TENM3: variants seen among roughly 807,000 people sequenced by gnomAD.
TENM3 encodes the protein teneurin transmembrane protein 3, also known as teneurin-3.
TENM3 carries 63 observed loss-of-function variants against 255.1 expected under a neutral mutation model. The observed-to-expected ratio is 0.25, with a 90% CI of 0.20 to 0.30. The LOEUF is 0.30. Among genes scored for constraint, TENM3 ranks in the 10% least tolerant of loss-of-function variants. The pLI, the probability that TENM3 is intolerant of heterozygous loss-of-function variation, is 1.00. For synonymous variants in TENM3, 1,306 were observed against 1,322.3 expected, an observed-to-expected ratio of 0.99 and a Z score of 0.27; for missense variants, 2,929 against 3,461.1, an observed-to-expected ratio of 0.85 and a Z score of 3.86.
At chr4:181,950,390 G>A in the TENM3 span, among the ~76,000 whole-genome samples, 1 of 152,156 alleles carries the variant, frequency 6.6e-6, no homozygotes, top group Non-Finnish European at 1.5e-5. Context: ...AAGCCTGTTT[G>A]GTGGTCTCTT....
intron 1 of TENM3, among the ~76,000 whole-genome samples, chr4:182,211,081 C>T (rs1484529306): frequency 6.6e-6 from 1 of 152,134 alleles, no homozygotes; most frequent in Non-Finnish European, 1.5e-5. Context: ...AAGCCCGTCC[C>T]CAGAGGAGAT....
At chr4:182,060,914 G>A in the TENM3 span, among the ~76,000 whole-genome samples, 2 of 152,150 alleles carry the variant, frequency 1.3e-5, no homozygotes, top group African/African-American at 2.4e-5. Context: ...TGTGGCACTC[G>A]TAATATATGA....
the TENM3 span, among the ~76,000 whole-genome samples, chr4:182,027,538 G>C: frequency 6.7e-6 from 1 of 148,664 alleles, no homozygotes; most frequent in Non-Finnish European, 1.5e-5. Flanking sequence ...TGGGCATCCT[G>C]GTTCCATTCT....
At chr4:182,258,141 A>T (rs954581817) in intron 1 of TENM3, among the ~76,000 whole-genome samples, 3 of 152,188 alleles carry the variant, frequency 2.0e-5, no homozygotes, top group Admixed American at 6.5e-5. Context: ...TGTATATAGC[A>T]TATACTTCCA....
the TENM3 span, among the ~76,000 whole-genome samples, chr4:182,002,318 G>A: frequency 6.6e-6 from 1 of 151,968 alleles, no homozygotes; most frequent in South Asian, 2.1e-4. Context: ...ATAATCACAG[G>A]GGAGAGAGAG....
At chr4:182,054,830 A>C in the TENM3 span, among the ~76,000 whole-genome samples, 1 of 152,186 alleles carries the variant, frequency 6.6e-6, no homozygotes, top group African/African-American at 2.4e-5. Context: ...AAAGAATAAC[A>C]GGAGAATTTT....
intron 3 of TENM3, among the ~76,000 whole-genome samples, chr4:182,480,221 T>C (rs137878737): frequency 0.01 from 1,556 of 152,118 alleles, 21 homozygotes; most frequent in African/African-American, 0.035. Flanking sequence ...GCTTCCTTAG[T>C]GAAATTGGCA....
chr4:182,365,142 C>T (rs1766339423), intron 3 of TENM3, among the ~76,000 whole-genome samples: 2 of 152,150 alleles, frequency 1.3e-5, no homozygotes, highest in South Asian at 4.2e-4. Context: ...AATTTGTATT[C>T]GTTTGATTAG....
chr4:182,359,100 G>A (rs1352902955), intron 3 of TENM3, among the ~76,000 whole-genome samples: 1 of 151,732 alleles, frequency 6.6e-6, no homozygotes, highest in African/African-American at 2.4e-5. Context: ...GCTTTTTGAT[G>A]TGCTGCTGGA....
At chr4:181,470,127 A>AAAAAAAAAAAAACAAAAAACG in the TENM3 span, among the ~76,000 whole-genome samples, 2 of 138,958 alleles carry the variant, frequency 1.4e-5, no homozygotes, top group African/African-American at 5.4e-5. Flanking sequence ...AAAAAAAAAC[A>AAAAAAAAAAAAACAAAAAACG]TTATTCAAAA....
At chr4:182,039,656 T>C in the TENM3 span, among the ~76,000 whole-genome samples, 1 of 151,760 alleles carries the variant, frequency 6.6e-6, no homozygotes, top group Non-Finnish European at 1.5e-5. Context: ...GACACACACA[T>C]GCACGAGATA....
chr4:182,250,925 A>G (rs887882298), intron 1 of TENM3, among the ~76,000 whole-genome samples: 1 of 152,176 alleles, frequency 6.6e-6, no homozygotes, highest in Admixed American at 6.5e-5. Flanking sequence ...TTTCAGATGG[A>G]TAAGAATTTG....
chr4:181,839,342 A>T, the TENM3 span, among the ~76,000 whole-genome samples: 2 of 103,150 alleles, frequency 1.9e-5, no homozygotes, highest in Non-Finnish European at 1.9e-5. Context: ...ATATGTATTG[A>T]GGGTATATAT....
chr4:182,739,418 G>A (rs1263443814), intron 18 of TENM3, among the ~76,000 whole-genome samples: 1 of 152,152 alleles, frequency 6.6e-6, no homozygotes, highest in East Asian at 1.9e-4. Flanking sequence ...AGGACCGTAA[G>A]TTAATCTATT....
At chr4:182,623,014 T>C (rs1750446085) in intron 4 of TENM3, among the ~76,000 whole-genome samples, 1 of 151,446 alleles carries the variant, frequency 6.6e-6, no homozygotes, top group Non-Finnish European at 1.5e-5. Context: ...AGAGTCTCTT[T>C]TTTTTTTTTT....
the TENM3 span, among the ~76,000 whole-genome samples, chr4:181,684,869 C>T: frequency 2.7e-5 from 4 of 150,924 alleles, no homozygotes; most frequent in Non-Finnish European, 5.9e-5. Flanking sequence ...TTCTTCCCCA[C>T]TCAGCCTCCC....
At chr4:182,759,156 T>C (rs1468001758) in intron 22 of TENM3, among the ~76,000 whole-genome samples, 1 of 152,226 alleles carries the variant, frequency 6.6e-6, no homozygotes, top group African/African-American at 2.4e-5. Flanking sequence ...CATTAACATG[T>C]CACAGTATTG....
the TENM3 span, among the ~76,000 whole-genome samples, chr4:181,778,511 T>G: frequency 2.0e-5 from 3 of 152,176 alleles, no homozygotes; most frequent in African/African-American, 4.8e-5. Flanking sequence ...GTTTAGGCCA[T>G]GCAGCAGATC....
chr4:182,278,251 C>T (rs538543785), intron 1 of TENM3, among the ~76,000 whole-genome samples: 1 of 152,010 alleles, frequency 6.6e-6, no homozygotes, highest in African/African-American at 2.4e-5. Context: ...CCTGTAATCC[C>T]AGCTACTCGG....
Sources: allele counts gnomAD v4.1 joint callset (sites outside exome capture counted in the v4.1 genomes callset), GRCh38; gene constraint gnomAD v4.1.1; transcripts MANE v1.5; gene names NCBI Gene and HGNC (gene_info 2026-07-23, HGNC 2026-07-21).